The following LRP1 variants were observed in gnomAD, a reference collection of about 807,000 sequenced individuals.
The protein encoded by LRP1 is LDL receptor related protein 1.
Under a neutral mutation model 541.5 loss-of-function variants are expected in LRP1, and 51 were observed. That is an observed-to-expected ratio of 0.09 (90% CI 0.08 to 0.12). The LOEUF (loss-of-function observed/expected upper bound fraction) is 0.12, where lower values mean the gene tolerates loss of function less well. LRP1 is among the 10% of genes least tolerant of loss of function. LRP1 has a pLI of 1.00. For missense variants in LRP1, 3,878 were observed against 6,376.2 expected (o/e 0.61, Z 13.34); for synonymous variants, 2,219 against 2,470.8 (o/e 0.90, Z 3.02).
chr12:57,139,567 C>A (rs1398429415), intron 2 of LRP1, among the ~76,000 whole-genome samples: 1 of 152,174 alleles, frequency 6.6e-6, no homozygotes, highest in Non-Finnish European at 1.5e-5. Flanking sequence ...TCAGATCTGC[C>A]TCTTTTTGTT....
In LRP1 at chr12:57,167,433, C is replaced by A; in HGVS notation, c.2915-11C>A. 6.2e-7 allele frequency: 1 copy of A among 1,608,902 alleles called. No individual in the cohort carries two copies. On this transcript the variant is annotated splice_polypyrimidine_tract_variant and intron_variant, in intron 18 of 88. Transcript: ENST00000243077. The stretch of plus-strand genomic sequence containing the variant: ...TGAAGGCCCTACTCAGCTACTCTTT[C>A]TTCCTCACAGCCTATCCCACCTGCT...
chr12:57,157,009 ACAT>A (rs1399495342), intron 10 of LRP1, 89 bp downstream of exon 10: 2 of 1,413,066 alleles, frequency 1.4e-6, no homozygotes, highest in Non-Finnish European at 1.9e-6. Context: ...CCTCTGTCTG[ACAT>A]GCAGGGAGAT....
chr12:57,210,462 TGTGCTGCCTCCCCCTCTG>T lies in LRP1; in HGVS notation c.12739_12754+2del. 1 of 1,533,148 alleles carries T rather than the reference TGTGCTGCCTCCCCCTCTG, an allele frequency of 6.5e-7. No individual in the cohort carries two copies. The highest frequency in any genetic ancestry group is 8.8e-7 in the Non-Finnish European group (1 of 1,137,046). The allele number at this position is 1,533,148 out of a possible 1,614,324, so 95.0% of individuals were successfully genotyped here. Reference sequence around the variant, plus strand: ...GGAGCACTGTCGCAATGGGGGCACCTGTGCTGCCTCCCCCTCTGGTATGCCCCCTCATCCCGCCACGCC... The same window carrying T: ...GGAGCACTGTCGCAATGGGGGCACCTGTATGCCCCCTCATCCCGCCACGCC... On this transcript the variant is annotated inframe_deletion and splice_region_variant, in exon 82 of 89. Coordinates refer to ENST00000243077, the MANE Select transcript of LRP1 (RefSeq NM_002332.3).
At position 57,196,352 on chromosome 12, in the gene LRP1, T is replaced by A; in HGVS notation, c.8892+75T>A. The A allele has an allele frequency of 3.8e-6, 5 of 1,331,662 alleles. No homozygotes were observed. The South Asian group carries it at 7.5e-5, about 20-fold the overall frequency. 82.5% of individuals were successfully genotyped at this position (1,331,662 alleles called of 1,614,324 possible). A position where few individuals can be genotyped will look rare whatever the true frequency, so the allele number is the denominator to read the frequency against. The stretch of plus-strand genomic sequence containing the variant: ...CGCCTTTCTCCACTGCCTTATTCAT[T>A]CATTCATCCCCTAGACAGTGGGGAT... On this transcript the variant is annotated intron_variant, in intron 55 of 88. Coordinates refer to ENST00000243077, the MANE Select transcript of LRP1 (RefSeq NM_002332.3).
At chr12:57,168,692 C>G (rs2035886023) in intron 19 of LRP1, among the ~76,000 whole-genome samples, 3 of 152,176 alleles carry the variant, frequency 2.0e-5, no homozygotes, top group Admixed American at 2.0e-4. Context: ...CCCTGTAAGC[C>G]AGGCACCCAG....
intron 51 of LRP1, 37 bp from the exon 52 acceptor site, chr12:57,195,225 ATCTACCCGC>A: frequency 6.2e-7 from 1 of 1,606,400 alleles, no homozygotes; most frequent in Non-Finnish European, 8.5e-7. Context: ...GCTAGACCTG[ATCTACCCGC>A]TCCTAAGTCT....
At position 57,175,510 on chromosome 12, in the gene LRP1, C is replaced by A. The variant is rs2036025420; in HGVS notation, c.3598C>A (p.Pro1200Thr). The A allele has an allele frequency of 6.2e-7, 1 of 1,614,066 alleles. No individual in the cohort carries two copies. The highest frequency in any genetic ancestry group is 1.1e-5 in the South Asian group (1 of 91,090). The part of the protein sequence containing the change: ...GGCSHNCSVA[P>T]GEGIVCSCPL... ...CTGCAGCCACAACTGCTCAGTGGCA[C>A]CTGGCGAAGGCATTGTGTGTTCCTG... The change falls in exon 23 of 89, where the codon CCT (proline) becomes ACT (threonine). Residue 1200 changes from proline (P) to threonine (T), a missense_variant. Physicochemically the swap from Pro to Thr is conservative, Grantham distance 38. This residue lies in a region of LRP1 where 320 missense variants were observed against 547.9 expected (regional missense o/e 0.58). Coordinates refer to ENST00000243077, the MANE Select transcript of LRP1 (RefSeq NM_002332.3).
Position 57,178,982 on chromosome 12 carries a change from CA to C in LRP1, c.4700del (p.His1567ProfsTer3). 1 of 1,614,164 alleles carries C rather than the reference CA, an allele frequency of 6.2e-7. No individual in the cohort carries two copies. On this transcript the variant is annotated frameshift_variant, in exon 28 of 89. Coordinates refer to ENST00000243077, the MANE Select transcript of LRP1 (RefSeq NM_002332.3). LOFTEE classifies it high-confidence loss of function. The surrounding 1 kb of genome is among the most constrained non-coding windows in gnomAD (Gnocchi z 5.8). ...CCGGACCGTGTCCTGCGCCTGCCCC[CA>C]CCTCATGAAGCTCCACAAGGACAAC... ...YNRTVSCACP[H>X]LMKLHKDNTT...
rs2036739684 is a variant in LRP1, at chr12:57,204,984, G to A, written c.11195-125G>A. 1.4e-6 allele frequency: 2 copies of A among 1,447,416 alleles called. No homozygotes were observed. Among genetic ancestry groups the A allele is most frequent in the Admixed American group, 2.2e-5 (1 of 45,552 alleles). 89.7% of individuals were successfully genotyped at this position (1,447,416 alleles called of 1,614,324 possible). A position where few individuals can be genotyped will look rare whatever the true frequency, so the allele number is the denominator to read the frequency against. On this transcript the variant is annotated intron_variant, in intron 72 of 88. Coordinates refer to ENST00000243077, the MANE Select transcript of LRP1 (RefSeq NM_002332.3). This position sits in a 1 kb window ranked among gnomAD's most constrained non-coding sequence, Gnocchi z 5.3. Reference sequence around the variant, plus strand: ...TGGAGGTGGGGCTGGGAACCCAAATGTTTGACCTGCTCCCCCTGCAAGCCT... The same window carrying A: ...TGGAGGTGGGGCTGGGAACCCAAATATTTGACCTGCTCCCCCTGCAAGCCT...
chr12:57,184,751 C>T lies in LRP1; in HGVS notation c.6187-88C>T. The T allele has an allele frequency of 7.0e-7, 1 of 1,431,652 alleles. No homozygotes were observed. The highest frequency in any genetic ancestry group is 1.3e-5 in the South Asian group (1 of 76,320). The allele number at this position is 1,431,652 out of a possible 1,614,324, so 88.7% of individuals were successfully genotyped here. On this transcript the variant is annotated intron_variant, in intron 38 of 88. Coordinates refer to ENST00000243077, the MANE Select transcript of LRP1 (RefSeq NM_002332.3). The surrounding 1 kb of genome is among the most constrained non-coding windows in gnomAD (Gnocchi z 7.8). ...AGGGGAGGCTGAACTGAGGGCCTCACTCTGGCCCAGGCACTCCCTGCTGCC... is the reference window on the plus strand; with the variant it reads ...AGGGGAGGCTGAACTGAGGGCCTCATTCTGGCCCAGGCACTCCCTGCTGCC...
chr12:57,138,327 A>T (rs2035216577), intron 1 of LRP1, 132 bp from the exon 2 acceptor site: 17 of 1,111,654 alleles, frequency 1.5e-5, no homozygotes, highest in Non-Finnish European at 2.2e-5. Context: ...CCCCAGGCAC[A>T]TAGACCATGG....
intron 6 of LRP1, among the ~76,000 whole-genome samples, chr12:57,152,043 C>T (rs900979003): frequency 5.3e-5 from 8 of 152,084 alleles, no homozygotes; most frequent in Admixed American, 4.6e-4. Context: ...GAAGGGAGAC[C>T]GGCCAAGGGT....
chr12:57,187,578 C>T (rs972517508), intron 42 of LRP1, 122 bp downstream of exon 42: 9 of 848,866 alleles, frequency 1.1e-5, no homozygotes, highest in Non-Finnish European at 1.5e-5. Flanking sequence ...CTCCACCCTT[C>T]CCTGCTGTGT....
chr12:57,198,537 C>A lies in LRP1; in HGVS notation c.9543C>A (p.Ser3181Arg). The change falls in exon 60 of 89, where the codon AGC becomes AGA. Residue 3181 changes from serine (S) to arginine (R), a missense_variant. Around this residue, in one of 13 missense-constraint regions of LRP1, gnomAD observed 1,100 missense variants for 1,827.4 expected, o/e 0.60. Coordinates refer to ENST00000243077, the MANE Select transcript of LRP1 (RefSeq NM_002332.3). ...TCGGCATGGATGGGTCCAGCCGCAG[C>A]GTCATCGTGGACACCAAGATCACAT... ...GRIGMDGSSR[S>R]VIVDTKITWP... 6.2e-7 allele frequency: 1 copy of A among 1,613,984 alleles called. No homozygotes were observed. Among genetic ancestry groups the A allele is most frequent in the Non-Finnish European group, 8.5e-7 (1 of 1,179,968 alleles).
At chr12:57,137,440 C>T (rs1345014553) in intron 1 of LRP1, among the ~76,000 whole-genome samples, 1 of 152,096 alleles carries the variant, frequency 6.6e-6, no homozygotes, top group Non-Finnish European at 1.5e-5. Flanking sequence ...ATCCCCCTGC[C>T]TCTGCTCCCC....
At position 57,183,702 on chromosome 12, in the gene LRP1, C is replaced by A. The variant is rs2036211710; in HGVS notation, c.5795-73C>A. On this transcript the variant is annotated intron_variant, in intron 35 of 88. Coordinates refer to ENST00000243077, the MANE Select transcript of LRP1 (RefSeq NM_002332.3). The surrounding 1 kb of genome is among the most constrained non-coding windows in gnomAD (Gnocchi z 6.1). ...GGCACTCTCTCACCTCTGTCTTGAG[C>A]CTTGTGAGATTTTGACCCCTCACCT... 1.0e-5 allele frequency: 16 copies of A among 1,587,272 alleles called. No homozygotes were observed. Among genetic ancestry groups the A allele is most frequent in the Non-Finnish European group, 1.4e-5 (16 of 1,163,840 alleles).
chr12:57,172,855 G>A (rs1565732162), intron 20 of LRP1, among the ~76,000 whole-genome samples: 1 of 152,220 alleles, frequency 6.6e-6, no homozygotes. Context: ...TTTGTGGCAT[G>A]AATGAATGAA....
Position 57,205,516 on chromosome 12 carries a change from A to T in LRP1, c.11470+31A>T. 2 of 1,612,470 alleles carry T rather than the reference A, an allele frequency of 1.2e-6. No homozygotes were observed. Among genetic ancestry groups the T allele is most frequent in the Non-Finnish European group, 1.7e-6 (2 of 1,178,926 alleles). The stretch of plus-strand genomic sequence containing the variant: ...AAAGCGGGGCAGAGCAGGGGTGGAC[A>T]CCCCAACTGTGGACTCTCATGACCC... On this transcript the variant is annotated intron_variant, in intron 74 of 88. Coordinates refer to ENST00000243077, the MANE Select transcript of LRP1 (RefSeq NM_002332.3). The surrounding 1 kb of genome is among the most constrained non-coding windows in gnomAD (Gnocchi z 4.6).
intron 50 of LRP1, 75 bp downstream of exon 50, chr12:57,194,774 C>A (rs930575250): frequency 1.3e-6 from 2 of 1,498,156 alleles, no homozygotes; most frequent in Non-Finnish European, 1.8e-6. Flanking sequence ...CCAGCAAATG[C>A]CCCCTTGGAA....
Sources: allele counts gnomAD v4.1 joint callset (sites outside exome capture counted in the v4.1 genomes callset), GRCh38; gene constraint gnomAD v4.1.1; regional missense constraint gnomAD v4.1.1; non-coding constraint Gnocchi (gnomAD v3.1); transcripts MANE v1.5; gene names NCBI Gene and HGNC (gene_info 2026-07-23, HGNC 2026-07-21).